CCDC157: variants seen among roughly 807,000 people sequenced by gnomAD.
CCDC157 encodes coiled-coil domain-containing protein 157.
In CCDC157, 60 loss-of-function variants were observed where a neutral mutation model predicts 70.9. The observed-to-expected ratio is 0.85, with a 90% CI of 0.69 to 1.05. The LOEUF is 1.05. CCDC157 is among the 50% of genes least tolerant of loss of function. The probability of loss-of-function intolerance (pLI) is 0.00; values close to 1 mark genes in which losing one functional copy is unlikely to be tolerated. For synonymous variants in CCDC157, 373 were observed against 422.4 expected, an observed-to-expected ratio of 0.88 and a Z score of 1.43; for missense variants, 943 against 984.2, an observed-to-expected ratio of 0.96 and a Z score of 0.56.
intron 4 of CCDC157, 22 bp from the exon 5 acceptor site, chr22:30,370,304 C>T (rs748444044): frequency 1.7e-5 from 27 of 1,609,970 alleles, no homozygotes; most frequent in Admixed American, 8.4e-5. Context: ...ACCTGCTTTC[C>T]CTTGTCTTTT....
At position 30,373,363 on chromosome 22, in the gene CCDC157, G is replaced by T. The variant is rs571065973; in HGVS notation, c.1336-234G>T. 67 of 547,798 alleles carry T rather than the reference G, an allele frequency of 1.2e-4. No individual in the cohort carries two copies. In the East Asian group the frequency reaches 1.6e-3, roughly 13 times the overall value. The allele number at this position is 547,798 out of a possible 1,614,324, so 33.9% of individuals were successfully genotyped here. Reference sequence around the variant, plus strand: ...GCCAGCCATCTGCGTTCCAAGGGCCGGGGTCTTCAAGCTGGGATCCTGGCC... The same window carrying T: ...GCCAGCCATCTGCGTTCCAAGGGCCTGGGTCTTCAAGCTGGGATCCTGGCC... On this transcript the variant is annotated intron_variant, in intron 7 of 11. Transcript: ENST00000338306.
At chr22:30,370,282 ACT>A (rs1569187924) in intron 4 of CCDC157, 42 bp from the exon 5 acceptor site, 1 of 1,598,496 alleles carries the variant, frequency 6.3e-7, no homozygotes, top group Admixed American at 1.7e-5. Context: ...CTCCCTCTCT[ACT>A]CTCTCCCTCA....
rs1569193186 is a variant in CCDC157, at chr22:30,374,008, G to GGGAGCTGGA, written c.1597_1605dup (p.Glu533_Leu535dup). ...CGGCTAACCATCCTGGAGCTAGAACGGGAGCTGGAGGAGCTGAAGGAGCGG... is the reference window on the plus strand; with the variant it reads ...CGGCTAACCATCCTGGAGCTAGAACGGGAGCTGGAGGAGCTGGAGGAGCTGAAGGAGCGG... On this transcript the variant is annotated inframe_insertion, in exon 9 of 12. Transcript: ENST00000338306. The GGGAGCTGGA allele has an allele frequency of 3.1e-6, 5 of 1,612,126 alleles. No homozygotes were observed. The highest frequency in any genetic ancestry group is 2.2e-5 in the East Asian group (1 of 44,814).
chr22:30,364,024 T>G (rs1932546987), intron 2 of CCDC157, among the ~76,000 whole-genome samples: 1 of 152,072 alleles, frequency 6.6e-6, no homozygotes, highest in Non-Finnish European at 1.5e-5. Context: ...GGTGTGGTGG[T>G]TCTCACCTGT....
At position 30,366,191 on chromosome 22, in the gene CCDC157, G is replaced by A. The variant is rs151177194; in HGVS notation, c.191G>A (p.Gly64Asp). The A allele has an allele frequency of 7.4e-5, 120 of 1,613,748 alleles. No individual in the cohort carries two copies. In the African/African-American group the frequency reaches 1.5e-3, roughly 20 times the overall value. Residue 64 changes from glycine (G) to aspartate (D), a missense_variant, in exon 3 of 12, where the codon GGT becomes GAT. Physicochemically the swap from Gly to Asp is moderately conservative, Grantham distance 94. Coordinates refer to ENST00000338306, the MANE Select transcript of CCDC157 (RefSeq NM_001017437.5). ...ALLEHYDHVP[G>D]DPEFTQLSHA... ...CTGGAGCACTATGACCATGTTCCGG[G>A]TGACCCCGAGTTCACGCAGCTGTCC...
rs370198354 is a variant in CCDC157, at chr22:30,370,584, G to T, written c.679G>T (p.Val227Phe). The change falls in exon 5 of 12, where the codon GTC becomes TTC. Residue 227 changes from valine to phenylalanine, a missense_variant. Coordinates refer to ENST00000338306, the MANE Select transcript of CCDC157 (RefSeq NM_001017437.5). ...ALVPCDACAS[V>F]QGSLQKVGKV... is the part of the protein sequence containing the mutation. ...GGTGCCCTGTGACGCATGCGCCAGC[G>T]TCCAGGGAAGCCTGCAGAAGGTGGG... 8 of 1,613,892 alleles carry T rather than the reference G, an allele frequency of 5.0e-6. No homozygotes were observed. Among genetic ancestry groups the T allele is most frequent in the Non-Finnish European group, 6.8e-6 (8 of 1,180,028 alleles).
chr22:30,374,819 A>C (rs1329361090), intron 9 of CCDC157: 1 of 446,260 alleles, frequency 2.2e-6, no homozygotes, highest in South Asian at 1.6e-5. Flanking sequence ...GGGGAAGAGC[A>C]GCCTGGCGGA....
chr22:30,370,323 C>T lies in CCDC157; in HGVS notation c.421-3C>T. The T allele has an allele frequency of 2.5e-6, 4 of 1,612,362 alleles. No homozygotes were observed. Among genetic ancestry groups the T allele is most frequent in the Non-Finnish European group, 3.4e-6 (4 of 1,178,708 alleles). ...GCTTTCCCTTGTCTTTTTCTGAACACAGAAAGGGGCAAACCAAAGGGAGAC... is the reference window on the plus strand; with the variant it reads ...GCTTTCCCTTGTCTTTTTCTGAACATAGAAAGGGGCAAACCAAAGGGAGAC... On this transcript the variant is annotated splice_polypyrimidine_tract_variant and splice_region_variant and intron_variant, in intron 4 of 11. Transcript: ENST00000338306.
chr22:30,363,425 G>A (rs1051639869), intron 2 of CCDC157, among the ~76,000 whole-genome samples: 5 of 151,968 alleles, frequency 3.3e-5, no homozygotes, highest in Non-Finnish European at 5.9e-5. Context: ...ACTTTTACTG[G>A]TGCCTTGTAT....
Position 30,366,198 on chromosome 22 carries a change from C to T in CCDC157, c.198C>T (p.Pro66=), listed in dbSNP as rs113058207. Residue 66 remains proline (P), a synonymous_variant, in exon 3 of 12, where the codon CCC becomes CCT. Transcript: ENST00000338306. ...LEHYDHVPGD[P]EFTQLSHAVL... Reference sequence around the variant, plus strand: ...ACTATGACCATGTTCCGGGTGACCCCGAGTTCACGCAGCTGTCCCATGCCG... The same window carrying T: ...ACTATGACCATGTTCCGGGTGACCCTGAGTTCACGCAGCTGTCCCATGCCG... The T allele has an allele frequency of 5.5e-5, 88 of 1,613,786 alleles. No individual in the cohort carries two copies. The African/African-American group carries it at 6.5e-4, about 12-fold the overall frequency.
At chr22:30,370,305 C>T in intron 4 of CCDC157, 21 bp from the exon 5 acceptor site, 1 of 1,610,102 alleles carries the variant, frequency 6.2e-7, no homozygotes. Flanking sequence ...CCTGCTTTCC[C>T]TTGTCTTTTT....
upstream of CCDC157, chr22:30,356,647 G>T: frequency 1.8e-6 from 2 of 1,114,484 alleles, no homozygotes; most frequent in African/African-American, 1.6e-5. Flanking sequence ...GCCCTTCATA[G>T]CGGCCGGCCG....
chr22:30,373,219 C>T (rs1166113018), intron 7 of CCDC157: 1 of 227,008 alleles, frequency 4.4e-6, no homozygotes, highest in Non-Finnish European at 8.9e-6. Context: ...ATGTGGGCTT[C>T]AGCAACATGG....
chr22:30,377,551 AG>A lies in CCDC157; in HGVS notation c.*809del, dbSNP rs1222119472. On this transcript the variant is annotated 3_prime_UTR_variant, in exon 12 of 12. Coordinates refer to ENST00000338306, the MANE Select transcript of CCDC157 (RefSeq NM_001017437.5). The stretch of plus-strand genomic sequence containing the variant: ...TCCAAAAACTTGCTGAGGCCTTCTC[AG>A]GGCGCACGCTCCCAAATGCCTGAAG... 3 of 153,710 alleles carry A rather than the reference AG, an allele frequency of 2.0e-5. No individual in the cohort carries two copies. The highest frequency in any genetic ancestry group is 4.3e-5 in the Non-Finnish European group (3 of 69,034). 9.5% of individuals were successfully genotyped at this position (153,710 alleles called of 1,614,324 possible).
chr22:30,363,335 A>G (rs1282042542), intron 2 of CCDC157, among the ~76,000 whole-genome samples: 1 of 152,226 alleles, frequency 6.6e-6, no homozygotes, highest in Non-Finnish European at 1.5e-5. Context: ...GCCAGGCCCC[A>G]GCACAAGACA....
upstream of CCDC157, chr22:30,356,668 T>G: frequency 1.6e-6 from 2 of 1,279,736 alleles, no homozygotes; most frequent in Non-Finnish European, 2.1e-6. Context: ...CTTATTCCTG[T>G]GCGAGTAAGG....
At chr22:30,370,251 A>T (rs1284064232) in intron 4 of CCDC157, 75 bp from the exon 5 acceptor site, 5 of 1,519,092 alleles carry the variant, frequency 3.3e-6, no homozygotes, top group Non-Finnish European at 4.5e-6. Context: ...GTCACAGAAC[A>T]TCCCCCAGGG....
At chr22:30,372,530 A>C in intron 7 of CCDC157, 1 of 465,340 alleles carries the variant, frequency 2.1e-6, no homozygotes, top group Non-Finnish European at 3.7e-6. Context: ...ACAGGCAAAG[A>C]TGAGCAGGTG....
intron 1 of CCDC157, among the ~76,000 whole-genome samples, chr22:30,358,076 C>T (rs186877664): frequency 1.2e-3 from 181 of 152,310 alleles, no homozygotes; most frequent in South Asian, 0.011. Context: ...TCCTGCGATT[C>T]CCCCCTCTCT....
Sources: gnomAD v4.1 joint callset for allele counts (sites outside exome capture counted in the v4.1 genomes callset) on GRCh38, gnomAD v4.1.1 for gene constraint, MANE v1.5 for transcripts, NCBI Gene and HGNC (gene_info 2026-07-23, HGNC 2026-07-21) for gene names.